NEBL: variants seen among roughly 807,000 people sequenced by gnomAD.
NEBL encodes the protein LIM and SH3 protein 2.
In NEBL, 122 loss-of-function variants were observed where a neutral mutation model predicts 140.2. That is an observed-to-expected ratio of 0.87 (90% CI 0.75 to 1.01). The LOEUF is 1.01. Among genes scored for constraint, NEBL ranks in the 50% least tolerant of loss-of-function variants. NEBL has a pLI of 0.00. For synonymous variants in NEBL, 436 were observed against 398.9 expected (o/e 1.09, Z -1.11); for missense variants, 1,365 against 1,231.3 (o/e 1.11, Z -1.62).
intron 1 of NEBL, chr10:21,172,540 C>A: frequency 2.3e-6 from 3 of 1,279,834 alleles, no homozygotes; most frequent in Non-Finnish European, 3.4e-6. Context: ...AGGATGGGCA[C>A]AGAAGGAAGG....
At chr10:21,184,988 G>T (rs985076614) in intron 3 of NEBL, among the ~76,000 whole-genome samples, 1 of 152,090 alleles carries the variant, frequency 6.6e-6, no homozygotes, top group African/African-American at 2.4e-5. Flanking sequence ...TAAAGCATGA[G>T]GGCTTTGTTT....
intron 4 of NEBL, among the ~76,000 whole-genome samples, chr10:20,903,081 G>C (rs1232277664): frequency 1.3e-5 from 2 of 152,154 alleles, no homozygotes; most frequent in Non-Finnish European, 2.9e-5. Flanking sequence ...CTTATCCATA[G>C]AGGATGTGTT....
chr10:20,941,635 AGTCAAATT>A (rs1834874420), intron 4 of NEBL, among the ~76,000 whole-genome samples: 1 of 150,974 alleles, frequency 6.6e-6, no homozygotes, highest in African/African-American at 2.4e-5. Flanking sequence ...GAAAAGAGGA[AGTCAAATT>A]GTCCCTGTTT....
intron 11 of NEBL, among the ~76,000 whole-genome samples, chr10:20,849,312 AGTAG>A (rs752649935): frequency 6.6e-6 from 1 of 152,194 alleles, no homozygotes; most frequent in East Asian, 1.9e-4. Flanking sequence ...TTGAGAATAA[AGTAG>A]GTAAGTAGAA....
chr10:20,881,340 A>G (rs1278851811), intron 4 of NEBL, among the ~76,000 whole-genome samples: 1 of 152,234 alleles, frequency 6.6e-6, no homozygotes, highest in Non-Finnish European at 1.5e-5. Context: ...AGATAATATA[A>G]GCCTCATTAA....
chr10:21,277,984 C>T (rs755596016), intron 1 of NEBL, among the ~76,000 whole-genome samples: 1 of 152,160 alleles, frequency 6.6e-6, no homozygotes, highest in Non-Finnish European at 1.5e-5. Context: ...ACAAAAGACC[C>T]CTTGAGGCTT....
At chr10:20,794,650 C>T (rs999674086) in intron 26 of NEBL, among the ~76,000 whole-genome samples, 1 of 152,130 alleles carries the variant, frequency 6.6e-6, no homozygotes, top group African/African-American at 2.4e-5. Context: ...CAGGTGTATA[C>T]CCCTGTGAAA....
chr10:20,800,703 G>A (rs1021845503), intron 26 of NEBL, among the ~76,000 whole-genome samples: 9 of 137,328 alleles, frequency 6.6e-5, no homozygotes, highest in Non-Finnish European at 1.3e-4. Context: ...AATAAGAGAG[G>A]TTGCGATATT....
At position 21,173,550 on chromosome 10, in the gene NEBL, G is replaced by A. The variant is rs1306762185; in HGVS notation, c.69+215C>T. On this transcript the variant is annotated intron_variant, in intron 1 of 6. Transcript: ENST00000417816. The surrounding 1 kb of genome is among the most constrained non-coding windows in gnomAD (Gnocchi z 5.7). The stretch of plus-strand genomic sequence containing the variant: ...CCGATGTCGCACCGCCCCGCACCGC[G>A]ACAAAAGCCCTTCCCGGTTCCAACA... 2.6e-5 allele frequency among the ~76,000 whole-genome samples: 4 copies of A among 151,558 alleles called. No individual in the cohort carries two copies. The highest frequency in any genetic ancestry group is 2.6e-4 in the Admixed American group (4 of 15,230).
At chr10:20,876,187 C>T (rs1471522908) in intron 5 of NEBL, among the ~76,000 whole-genome samples, 1 of 152,136 alleles carries the variant, frequency 6.6e-6, no homozygotes, top group African/African-American at 2.4e-5. Context: ...AAAAAGTTTT[C>T]AGTCTTCCAA....
intron 3 of NEBL, among the ~76,000 whole-genome samples, chr10:21,012,188 A>T (rs1039565716): frequency 2.0e-5 from 3 of 151,932 alleles, no homozygotes; most frequent in African/African-American, 7.3e-5. Context: ...CAGAAGTGGG[A>T]GTAGGGTAGG....
At chr10:20,878,018 A>G (rs887007674) in intron 5 of NEBL, among the ~76,000 whole-genome samples, 1 of 152,154 alleles carries the variant, frequency 6.6e-6, no homozygotes, top group Non-Finnish European at 1.5e-5. Context: ...TACCCCAGAC[A>G]ATGATGCCAC....
At chr10:20,833,236 T>A (rs1488236159) in intron 14 of NEBL, among the ~76,000 whole-genome samples, 2 of 152,154 alleles carry the variant, frequency 1.3e-5, no homozygotes, top group Non-Finnish European at 2.9e-5. Flanking sequence ...GTGTTTATAG[T>A]CTGAGTCACA....
At chr10:21,097,280 GAAACCCTGTCTGTACT>G (rs1837238171) in intron 2 of NEBL, among the ~76,000 whole-genome samples, 1 of 149,508 alleles carries the variant, frequency 6.7e-6, no homozygotes, top group Admixed American at 6.7e-5. Flanking sequence ...CCAACATTGT[GAAACCCTGTCTGTACT>G]AAAAATACAA....
At chr10:20,979,699 T>A (rs555701240) in intron 3 of NEBL, among the ~76,000 whole-genome samples, 61 of 152,258 alleles carry the variant, frequency 4.0e-4, no homozygotes, top group Admixed American at 1.1e-3. Context: ...CAGTTTTTTT[T>A]AATTCATTTA....
intron 26 of NEBL, among the ~76,000 whole-genome samples, chr10:20,807,555 T>C (rs1837719585): frequency 6.6e-6 from 1 of 152,248 alleles, no homozygotes; most frequent in African/African-American, 2.4e-5. Flanking sequence ...TGTTTCACTG[T>C]AATGAGTGCA....
chr10:21,069,956 C>A (rs375959480), intron 2 of NEBL: 13 of 455,678 alleles, frequency 2.9e-5, no homozygotes, highest in East Asian at 6.9e-5. Context: ...GTACTTACAG[C>A]GGCTTAGGGA....
At chr10:20,790,825 TTGAAAGATAGCTATTCC>T (rs1835890631) in intron 26 of NEBL, among the ~76,000 whole-genome samples, 1 of 151,932 alleles carries the variant, frequency 6.6e-6, no homozygotes, top group African/African-American at 2.4e-5. Context: ...GAGAATTTGG[TTGAAAGATAGCTATTCC>T]ATGTATGAGA....
chr10:21,094,823 C>T (rs1564509398), intron 2 of NEBL, among the ~76,000 whole-genome samples: 1 of 152,158 alleles, frequency 6.6e-6, no homozygotes, highest in African/African-American at 2.4e-5. Context: ...AAATTAATTT[C>T]ACCGAACCAG....
Sources: allele counts gnomAD v4.1 joint callset (sites outside exome capture counted in the v4.1 genomes callset), GRCh38; gene constraint gnomAD v4.1.1; non-coding constraint Gnocchi (gnomAD v3.1); transcripts MANE v1.5; gene names NCBI Gene and HGNC (gene_info 2026-07-23, HGNC 2026-07-21).